The following TP73 variants were observed in gnomAD, a reference collection of about 807,000 sequenced individuals.
TP73 encodes tumor protein p73, also known as p53-like transcription factor.
TP73 carries 25 observed loss-of-function variants against 62.5 expected under a neutral mutation model. The ratio of observed to expected loss-of-function variants is 0.40; its 90% CI spans 0.29 to 0.56. The LOEUF (loss-of-function observed/expected upper bound fraction) is 0.56, where lower values mean the gene tolerates loss of function less well. Ranked by LOEUF, TP73 falls within the 20% of genes least tolerant of loss-of-function variation. The pLI is 0.46. For synonymous variants in TP73, 423 were observed against 377.5 expected (o/e 1.12, Z -1.40); for missense variants, 754 against 913.3 (o/e 0.83, Z 2.25).
rs541898276 is a variant in TP73 at position 3,721,222 on chromosome 1, A to C, written c.430-799A>C. ...GGCAGCCGGGCCCTGTGAGGCAAAG[A>C]AGCTGGAGGCCTCTGCAGGGGCTGG... On this transcript the variant is annotated intron_variant, in intron 4 of 13. Coordinates refer to ENST00000378295, the MANE Select transcript of TP73 (RefSeq NM_005427.4). 7.2e-5 allele frequency among the ~76,000 whole-genome samples: 11 copies of C among 152,352 alleles called. 1 individual carries two copies. Among genetic ancestry groups the C allele is most frequent in the African/African-American group, 2.6e-4 (11 of 41,590 alleles).
intron 1 of TP73, among the ~76,000 whole-genome samples, chr1:3,667,391 G>T (rs1431025701): frequency 6.6e-6 from 1 of 152,234 alleles, no homozygotes; most frequent in African/African-American, 2.4e-5. Flanking sequence ...ATTGGTTACG[G>T]CAGCCACAGA....
At chr1:3,689,794 C>T (rs1362432322) in intron 3 of TP73, among the ~76,000 whole-genome samples, 2 of 152,152 alleles carry the variant, frequency 1.3e-5, no homozygotes, top group East Asian at 1.9e-4. Flanking sequence ...AGAGCCACGG[C>T]GCCCTGGGGA....
At chr1:3,723,495 A>C in intron 6 of TP73, 26 bp downstream of exon 6, 5 of 1,344,780 alleles carry the variant, frequency 3.7e-6, no homozygotes, top group Non-Finnish European at 4.2e-6. Context: ...GGCTGTGCCC[A>C]GGGCCCTGCA....
Position 3,682,440 on chromosome 1 carries a change from C to G in TP73, c.65+10C>G. 2.7e-6 allele frequency: 4 copies of G among 1,506,820 alleles called. No individual in the cohort carries two copies. Among genetic ancestry groups the G allele is most frequent in the Non-Finnish European group, 3.6e-6 (4 of 1,114,994 alleles). The allele number at this position is 1,506,820 out of a possible 1,614,324, so 93.3% of individuals were successfully genotyped here. On this transcript the variant is annotated intron_variant, in intron 2 of 13. Transcript: ENST00000378295. ...ACCTCTGGAGCTCTCTGTGAGTGCG[C>G]TTGGCTGGCCAGAGCTGGGGGCCCC... is the stretch of plus-strand genomic sequence containing the variant.
intron 3 of TP73, chr1:3,691,059 G>GC: frequency 6.9e-7 from 1 of 1,441,890 alleles, no homozygotes; most frequent in South Asian, 1.2e-5. Flanking sequence ...GGAGTCTGCT[G>GC]CCAGTTGGGG....
intron 3 of TP73, among the ~76,000 whole-genome samples, chr1:3,704,037 C>T (rs1283897815): frequency 6.6e-6 from 1 of 152,200 alleles, no homozygotes; most frequent in African/African-American, 2.4e-5. Flanking sequence ...CCCACACTCA[C>T]TCCTGGGCAG....
rs750751296 is a variant in TP73 at position 3,727,246 on chromosome 1, T to C, written c.842+22T>C. 8.7e-6 allele frequency: 14 copies of C among 1,605,162 alleles called. 1 individual carries two copies. The South Asian group carries it at 1.4e-4, about 16-fold the overall frequency. Reference sequence around the variant, plus strand: ...GGGAGTGAGTCCCGGGCACACGGGGTGGAGGTGGGACAGGGCTGGGCAGGC... The same window carrying C: ...GGGAGTGAGTCCCGGGCACACGGGGCGGAGGTGGGACAGGGCTGGGCAGGC... On this transcript the variant is annotated intron_variant, in intron 7 of 13. Coordinates refer to ENST00000378295, the MANE Select transcript of TP73 (RefSeq NM_005427.4).
At chr1:3,714,195 C>T (rs1463316630) in intron 4 of TP73, 1 of 152,238 alleles carries the variant, frequency 6.6e-6, no homozygotes, top group Non-Finnish European at 1.5e-5. Context: ...ACCTTAAAAG[C>T]TGAAGAGGGA....
intron 3 of TP73, among the ~76,000 whole-genome samples, chr1:3,704,919 G>A (rs1639501687): frequency 6.6e-6 from 1 of 152,254 alleles, no homozygotes; most frequent in Non-Finnish European, 1.5e-5. Flanking sequence ...GACACCAGGA[G>A]GAGCAGGAGT....
At position 3,663,036 on chromosome 1, in the gene TP73, G is replaced by C. The variant is rs1645031583; in HGVS notation, c.-34+10395G>C. ...CTGCAGTGGCATCATACAGATGAGG[G>C]CTTTGCTGATCATTATCTGGAAACA... On this transcript the variant is annotated intron_variant, in intron 1 of 13. Transcript: ENST00000378295. This position sits in a 1 kb window ranked among gnomAD's most constrained non-coding sequence, Gnocchi z 4.7. Among the ~76,000 whole-genome samples the C allele has an allele frequency of 6.6e-6, 1 of 152,246 alleles. No individual in the cohort carries two copies. The highest frequency in any genetic ancestry group is 1.5e-5 in the Non-Finnish European group (1 of 68,038).
At chr1:3,678,345 G>A (rs1474324945) in intron 1 of TP73, among the ~76,000 whole-genome samples, 1 of 152,240 alleles carries the variant, frequency 6.6e-6, no homozygotes, top group Non-Finnish European at 1.5e-5. Context: ...TACTCCCCCT[G>A]CCCCAGCGCA....
At chr1:3,717,302 C>G (rs1353917772) in intron 4 of TP73, among the ~76,000 whole-genome samples, 1 of 152,164 alleles carries the variant, frequency 6.6e-6, no homozygotes, top group Non-Finnish European at 1.5e-5. Context: ...CAGGCCGGGC[C>G]CATGTTGTAC....
chr1:3,669,648 G>A (rs376910608), intron 1 of TP73, among the ~76,000 whole-genome samples: 117 of 152,318 alleles, frequency 7.7e-4, no homozygotes, highest in African/African-American at 2.7e-3. Context: ...AGCCTCTCCC[G>A]GCAACAGCAA....
chr1:3,723,656 G>A (rs560192025), intron 6 of TP73, among the ~76,000 whole-genome samples, 187 bp downstream of exon 6: 4 of 152,272 alleles, frequency 2.6e-5, no homozygotes, highest in Non-Finnish European at 5.9e-5. Context: ...ACCCACACCC[G>A]CCCCACTGTG....
At chr1:3,725,514 G>A (rs1641438215) in intron 6 of TP73, among the ~76,000 whole-genome samples, 1 of 144,676 alleles carries the variant, frequency 6.9e-6, no homozygotes, top group Non-Finnish European at 1.5e-5. Flanking sequence ...GTGAATGGAT[G>A]GGTGGGTGGA....
At chr1:3,695,797 CA>C (rs1470770945) in intron 3 of TP73, among the ~76,000 whole-genome samples, 1 of 152,230 alleles carries the variant, frequency 6.6e-6, no homozygotes, top group Non-Finnish European at 1.5e-5. Context: ...GGATAGACCA[CA>C]GGGGGGCAGG....
At chr1:3,710,491 T>C (rs1640045162) in intron 4 of TP73, among the ~76,000 whole-genome samples, 2 of 152,104 alleles carry the variant, frequency 1.3e-5, no homozygotes, top group Admixed American at 6.5e-5. Context: ...TGCCTGTGCT[T>C]GCGTCCGGCC....
intron 3 of TP73, among the ~76,000 whole-genome samples, chr1:3,703,709 C>A (rs536230038): frequency 9.2e-5 from 14 of 152,388 alleles, no homozygotes; most frequent in Admixed American, 7.8e-4. Flanking sequence ...TTTTGCCCCA[C>A]TGGCTGTCCT....
chr1:3,710,344 C>A (rs1265366608), intron 4 of TP73, among the ~76,000 whole-genome samples: 1 of 152,122 alleles, frequency 6.6e-6, no homozygotes, highest in African/African-American at 2.4e-5. Flanking sequence ...GGGGCCAGAA[C>A]CCCCTCCACC....
Sources: allele counts gnomAD v4.1 joint callset (sites outside exome capture counted in the v4.1 genomes callset), GRCh38; gene constraint gnomAD v4.1.1; non-coding constraint Gnocchi (gnomAD v3.1); transcripts MANE v1.5; gene names NCBI Gene and HGNC (gene_info 2026-07-23, HGNC 2026-07-21).